The following ST6GALNAC5 variants were observed in gnomAD, a reference collection of about 807,000 sequenced individuals.
ST6GALNAC5 encodes alpha-N-acetylgalactosaminide alpha-2,6-sialyltransferase 5.
Under a neutral mutation model 33.6 loss-of-function variants are expected in ST6GALNAC5, and 27 were observed. The ratio of observed to expected loss-of-function variants is 0.80; its 90% CI spans 0.59 to 1.11. ST6GALNAC5 has a LOEUF of 1.11. Ranked by LOEUF, ST6GALNAC5 falls within the 50% of genes least tolerant of loss-of-function variation. ST6GALNAC5 has a pLI of 0.00. For missense variants in ST6GALNAC5, 428 were observed against 454.0 expected (o/e 0.94, Z 0.52); for synonymous variants, 194 against 171.2 (o/e 1.13, Z -1.04).
At chr1:76,927,327 T>C (rs906174096) in intron 2 of ST6GALNAC5, among the ~76,000 whole-genome samples, 1 of 152,102 alleles carries the variant, frequency 6.6e-6, no homozygotes, top group Non-Finnish European at 1.5e-5. Flanking sequence ...ATTGGCTATA[T>C]TGATATTTCT....
intron 2 of ST6GALNAC5, among the ~76,000 whole-genome samples, chr1:76,933,015 C>T (rs1647160296): frequency 6.6e-6 from 1 of 152,082 alleles, no homozygotes; most frequent in Admixed American, 6.6e-5. Flanking sequence ...AGAGCCATCC[C>T]TCATCGTTCT....
chr1:77,031,528 C>A (rs367815996), intron 2 of ST6GALNAC5, among the ~76,000 whole-genome samples: 1 of 152,164 alleles, frequency 6.6e-6, no homozygotes, highest in Non-Finnish European at 1.5e-5. Context: ...CTCCCTTATA[C>A]TTAGATAATA....
intron 2 of ST6GALNAC5, among the ~76,000 whole-genome samples, chr1:76,996,708 G>A (rs6603961): frequency 1.3e-3 from 195 of 152,312 alleles, no homozygotes; most frequent in African/African-American, 4.4e-3. Context: ...AGTATGTACA[G>A]TTGGAAGGAG....
chr1:76,933,763 C>CAAAAA (rs35621324), intron 2 of ST6GALNAC5, among the ~76,000 whole-genome samples: 8 of 67,612 alleles, frequency 1.2e-4, no homozygotes, highest in African/African-American at 2.9e-4. Flanking sequence ...TTTTCTCTGC[C>CAAAAA]AAAAAAAAAA....
At chr1:76,916,422 A>G (rs770864994) in intron 2 of ST6GALNAC5, among the ~76,000 whole-genome samples, 11 of 152,190 alleles carry the variant, frequency 7.2e-5, no homozygotes, top group Non-Finnish European at 1.3e-4. Context: ...AGTGCTATAC[A>G]TTGGTCTTAG....
intron 2 of ST6GALNAC5, among the ~76,000 whole-genome samples, chr1:76,976,412 T>C (rs959925979): frequency 6.6e-6 from 1 of 152,172 alleles, no homozygotes; most frequent in African/African-American, 2.4e-5. Flanking sequence ...TTTTTTGAGG[T>C]TTGATATGTT....
chr1:77,020,606 G>T (rs1341595069), intron 2 of ST6GALNAC5, among the ~76,000 whole-genome samples: 3 of 152,052 alleles, frequency 2.0e-5, no homozygotes, highest in Non-Finnish European at 4.4e-5. Flanking sequence ...TTGCCATGTT[G>T]CCCAGGCTGG....
intron 2 of ST6GALNAC5, among the ~76,000 whole-genome samples, chr1:77,006,432 G>A (rs1169723077): frequency 1.4e-5 from 2 of 145,908 alleles, no homozygotes; most frequent in Non-Finnish European, 3.0e-5. Context: ...TCCTGCCTCC[G>A]CCTCCTGAGT....
At chr1:76,872,485 A>C (rs1428695748) in intron 2 of ST6GALNAC5, among the ~76,000 whole-genome samples, 1 of 152,182 alleles carries the variant, frequency 6.6e-6, no homozygotes, top group Non-Finnish European at 1.5e-5. Context: ...TTAGGCACTC[A>C]GTTATTCAGA....
Position 77,001,196 on chromosome 1 carries a change from G to C in ST6GALNAC5, c.262-43008G>C, listed in dbSNP as rs542052643. Among the ~76,000 whole-genome samples the C allele has an allele frequency of 3.3e-3, 438 of 132,938 alleles. 2 individuals carry two copies. Among genetic ancestry groups the C allele is most frequent in the African/African-American group, 0.011 (407 of 35,914 alleles). The allele number at this position is 132,938 out of a possible 152,430, so 87.2% of individuals were successfully genotyped here. A position where few individuals can be genotyped will look rare whatever the true frequency, so the allele number is the denominator to read the frequency against. ...GCAGTGGTTTGTAGTTCTCCTTGAA[G>C]AGGTCCTTCACATCCCTTGTAAGTT... On this transcript the variant is annotated intron_variant, in intron 2 of 4. Coordinates refer to ENST00000477717, the MANE Select transcript of ST6GALNAC5 (RefSeq NM_030965.3).
Position 76,868,657 on chromosome 1 carries a change from C to T in ST6GALNAC5, c.176C>T (p.Ala59Val), listed in dbSNP as rs1307599116. ...TCGGCCACCGGCAGCTCGCAGCCGG[C>T]GGCGGAGAGCAGCACCCAGCAGCGC... The part of the protein sequence containing the change: ...QASATGSSQP[A>V]AESSTQQRPG... The change falls in exon 2 of 5, where the codon GCG becomes GTG. Residue 59 changes from alanine (A) to valine (V), a missense_variant. Physicochemically the swap from Ala to Val is moderately conservative, Grantham distance 64. Transcript: ENST00000477717. This position sits in a 1 kb window ranked among gnomAD's most constrained non-coding sequence, Gnocchi z 4.3. 1 of 1,592,838 alleles carries T rather than the reference C, an allele frequency of 6.3e-7. No individual in the cohort carries two copies. Among genetic ancestry groups the T allele is most frequent in the Non-Finnish European group, 8.6e-7 (1 of 1,168,844 alleles).
At chr1:76,897,062 G>A (rs1273047301) in intron 2 of ST6GALNAC5, among the ~76,000 whole-genome samples, 1 of 152,178 alleles carries the variant, frequency 6.6e-6, no homozygotes, top group Non-Finnish European at 1.5e-5. Context: ...GTTTTTATGA[G>A]AATTATGCCG....
Position 76,867,594 on chromosome 1 carries a change from A to G in ST6GALNAC5, c.-82A>G, listed in dbSNP as rs1653368958. 1.9e-6 allele frequency: 3 copies of G among 1,610,108 alleles called. No homozygotes were observed. Among genetic ancestry groups the G allele is most frequent in the Non-Finnish European group, 2.5e-6 (3 of 1,176,490 alleles). On this transcript the variant is annotated 5_prime_UTR_variant, in exon 1 of 5. Transcript: ENST00000477717. ...CAAAAATCAGAGCCGCCTCCGCCCC[A>G]TTACCCATCATGGAAACCCTCCAGG... is the stretch of plus-strand genomic sequence containing the variant.
chr1:77,016,052 C>T (rs1232810599), intron 2 of ST6GALNAC5, among the ~76,000 whole-genome samples: 1 of 151,096 alleles, frequency 6.6e-6, no homozygotes, highest in African/African-American at 2.4e-5. Flanking sequence ...CCTCAAATCT[C>T]CTTCATCTAC....
chr1:77,044,689 C>A, intron 3 of ST6GALNAC5, 76 bp downstream of exon 3: 2 of 1,492,322 alleles, frequency 1.3e-6, no homozygotes, highest in Non-Finnish European at 1.8e-6. Flanking sequence ...CAAAGCAAAG[C>A]TTTTGCTACA....
chr1:76,899,931 T>C (rs985800782), intron 2 of ST6GALNAC5, among the ~76,000 whole-genome samples: 1 of 152,136 alleles, frequency 6.6e-6, no homozygotes, highest in African/African-American at 2.4e-5. Flanking sequence ...GACAGGGGAT[T>C]GATCTCCCAA....
At position 77,064,816 on chromosome 1, in the gene ST6GALNAC5, T is replaced by C. The variant is rs1261877947; in HGVS notation, c.*1610T>C. ...GAAGACTGACATTGTTTTACAGACA[T>C]GACCTGGCTTATGATAAAAGAAGTT... On this transcript the variant is annotated 3_prime_UTR_variant, in exon 5 of 5. Coordinates refer to ENST00000477717, the MANE Select transcript of ST6GALNAC5 (RefSeq NM_030965.3). 1 of 152,206 alleles carries C rather than the reference T, an allele frequency of 6.6e-6. No individual in the cohort carries two copies. The highest frequency in any genetic ancestry group is 2.4e-5 in the African/African-American group (1 of 41,472). The allele number at this position is 152,206 out of a possible 1,614,324, so 9.4% of individuals were successfully genotyped here. A position where few individuals can be genotyped will look rare whatever the true frequency, so the allele number is the denominator to read the frequency against.
intron 2 of ST6GALNAC5, among the ~76,000 whole-genome samples, chr1:76,987,204 T>C (rs558785258): frequency 1.3e-5 from 2 of 151,890 alleles, no homozygotes; most frequent in South Asian, 4.2e-4. Flanking sequence ...AAATCAATAA[T>C]AAGAAAATTT....
intron 2 of ST6GALNAC5, among the ~76,000 whole-genome samples, chr1:76,968,208 C>T (rs534879206): frequency 3.9e-5 from 6 of 152,100 alleles, no homozygotes; most frequent in South Asian, 2.1e-4. Flanking sequence ...TATTATTCTG[C>T]GGGAGTCTAA....
Sources: allele counts gnomAD v4.1 joint callset (sites outside exome capture counted in the v4.1 genomes callset), GRCh38; gene constraint gnomAD v4.1.1; non-coding constraint Gnocchi (gnomAD v3.1); transcripts MANE v1.5; gene names NCBI Gene and HGNC (gene_info 2026-07-23, HGNC 2026-07-21).